The following FRMD6 variants were observed in gnomAD, a reference collection of about 807,000 sequenced individuals.
The protein encoded by FRMD6 is FERM domain-containing protein 6.
In FRMD6, 37 loss-of-function variants were observed where a neutral mutation model predicts 73.2. That is an observed-to-expected ratio of 0.51 (90% CI 0.39 to 0.66). The LOEUF (loss-of-function observed/expected upper bound fraction) is 0.66, where lower values mean the gene tolerates loss of function less well. Ranked by LOEUF, FRMD6 falls within the 30% of genes least tolerant of loss-of-function variation. The pLI, the probability that FRMD6 is intolerant of heterozygous loss-of-function variation, is 0.00. For missense variants in FRMD6, 714 were observed against 780.5 expected (o/e 0.91, Z 1.02); for synonymous variants, 273 against 282.2 (o/e 0.97, Z 0.33).
chr14:51,713,610 A>G (rs998650988), intron 9 of FRMD6: 13 of 152,216 alleles, frequency 8.5e-5, no homozygotes, highest in Admixed American at 3.3e-4. Flanking sequence ...TCCTGCTGGG[A>G]TATATAGCTC....
At chr14:51,462,862 A>T in the FRMD6 span, among the ~76,000 whole-genome samples, 1 of 152,106 alleles carries the variant, frequency 6.6e-6, no homozygotes, top group Non-Finnish European at 1.5e-5. Flanking sequence ...ATGAACTAAA[A>T]ACCCAGAGGC....
the FRMD6 span, among the ~76,000 whole-genome samples, chr14:51,465,476 T>C: frequency 6.6e-6 from 1 of 152,230 alleles, no homozygotes; most frequent in Non-Finnish European, 1.5e-5. Context: ...CATAGTTTGT[T>C]TTCTGCAACT....
chr14:51,497,306 G>A (rs1347667100), intron 1 of FRMD6, among the ~76,000 whole-genome samples: 3 of 145,692 alleles, frequency 2.1e-5, no homozygotes, highest in Admixed American at 1.4e-4. Context: ...TTGCTTGCTT[G>A]TAGAAAGTTG....
the FRMD6 span, among the ~76,000 whole-genome samples, chr14:51,443,144 A>G: frequency 1.3e-5 from 2 of 152,204 alleles, no homozygotes; most frequent in South Asian, 2.1e-4. Context: ...ACATAGTTCA[A>G]TGAAATAAAA....
At chr14:51,702,666 G>T (rs1896397637) in intron 5 of FRMD6, 78 bp downstream of exon 5, 6 of 1,141,926 alleles carry the variant, frequency 5.3e-6, no homozygotes, top group Admixed American at 4.0e-5. Context: ...TAAGTTACGT[G>T]TGTTTATTCT....
In FRMD6 at chr14:51,708,181, A is replaced by G. The variant is rs147736056; in HGVS notation, c.662A>G (p.Lys221Arg). 755 of 1,613,178 alleles carry G rather than the reference A, an allele frequency of 4.7e-4. 1 individual carries two copies. The highest frequency in any genetic ancestry group is 3.1e-3 in the Middle Eastern group (19 of 6,072). ...TASEAHLKYI[K>R]EAVRLDDVAV... ...TCCGAAGCTCATCTTAAATATATCA[A>G]AGAGGCTGTCCGACTGGATGACGTC... is the stretch of plus-strand genomic sequence containing the variant. Residue 221 changes from lysine to arginine, a missense_variant, in exon 7 of 14, where the codon AAA (lysine) becomes AGA (arginine). By Grantham distance (26) the Lys-to-Arg change is conservative. Transcript: ENST00000344768.
chr14:51,406,570 T>A, the FRMD6 span, among the ~76,000 whole-genome samples: 1 of 152,174 alleles, frequency 6.6e-6, no homozygotes. Flanking sequence ...GGTATTTTAG[T>A]CATTTTGTGG....
chr14:51,504,887 C>T (rs1474421082), intron 1 of FRMD6, among the ~76,000 whole-genome samples: 1 of 152,214 alleles, frequency 6.6e-6, no homozygotes, highest in African/African-American at 2.4e-5. Flanking sequence ...GCTGCCTGTC[C>T]TTTCAGTTGA....
intron 2 of FRMD6, among the ~76,000 whole-genome samples, chr14:51,581,425 G>A (rs1335697131): frequency 1.3e-5 from 2 of 152,168 alleles, no homozygotes; most frequent in Non-Finnish European, 2.9e-5. Flanking sequence ...ATTAAACAAA[G>A]TGAGTCATCT....
intron 1 of FRMD6, chr14:51,554,577 A>G (rs1223093122): frequency 6.6e-6 from 1 of 152,218 alleles, no homozygotes; most frequent in Non-Finnish European, 1.5e-5. Context: ...GGAATCTGTG[A>G]CTTTCTCCCC....
chr14:51,701,312 G>GTATA (rs915558631), intron 4 of FRMD6, among the ~76,000 whole-genome samples, 153 bp downstream of exon 4: 14 of 143,890 alleles, frequency 9.7e-5, no homozygotes, highest in South Asian at 2.2e-4. Flanking sequence ...TATATGTATA[G>GTATA]TATATATATA....
intron 1 of FRMD6, among the ~76,000 whole-genome samples, chr14:51,653,236 G>A (rs1892559412): frequency 6.6e-6 from 1 of 152,104 alleles, no homozygotes; most frequent in Admixed American, 6.5e-5. Context: ...CTCTGGGACC[G>A]GGCAATGTTT....
At chr14:51,398,752 T>C in the FRMD6 span, among the ~76,000 whole-genome samples, 5 of 152,086 alleles carry the variant, frequency 3.3e-5, no homozygotes, top group African/African-American at 1.2e-4. Context: ...AACTAGAAAA[T>C]TGGGAAAAAG....
At chr14:51,412,441 T>C in the FRMD6 span, among the ~76,000 whole-genome samples, 2 of 151,774 alleles carry the variant, frequency 1.3e-5, no homozygotes, top group Non-Finnish European at 2.9e-5. Flanking sequence ...GCTCCAAATA[T>C]AAAGAGGAAA....
intron 1 of FRMD6, among the ~76,000 whole-genome samples, chr14:51,537,188 T>A (rs2140356156): frequency 1.3e-5 from 2 of 152,338 alleles, no homozygotes; most frequent in Admixed American, 1.3e-4. Context: ...ATTCTTCCTT[T>A]CTCTCAGACA....
intron 2 of FRMD6, among the ~76,000 whole-genome samples, chr14:51,612,289 G>A (rs1890542541): frequency 6.6e-6 from 1 of 152,122 alleles, no homozygotes; most frequent in South Asian, 2.1e-4. Context: ...AATTCACAGA[G>A]CAAAGGATAA....
intron 2 of FRMD6, among the ~76,000 whole-genome samples, chr14:51,643,066 G>A (rs1224066098): frequency 6.6e-6 from 1 of 152,188 alleles, no homozygotes; most frequent in Non-Finnish European, 1.5e-5. Context: ...TAGGGACAAA[G>A]GGCATGAGCT....
At chr14:51,648,464 A>G (rs1289560331), upstream of FRMD6, among the ~76,000 whole-genome samples, 2 of 152,222 alleles carry the variant, frequency 1.3e-5, no homozygotes, top group Non-Finnish European at 2.9e-5. Context: ...CCACAGACCA[A>G]TTAAATTATA....
intron 2 of FRMD6, among the ~76,000 whole-genome samples, chr14:51,593,782 C>G (rs925670858): frequency 1.4e-4 from 21 of 151,920 alleles, no homozygotes; most frequent in African/African-American, 4.4e-4. Flanking sequence ...ATAGTAAGTA[C>G]AAAATTGAAG....
Sources: allele counts gnomAD v4.1 joint callset (sites outside exome capture counted in the v4.1 genomes callset), GRCh38; gene constraint gnomAD v4.1.1; transcripts MANE v1.5; gene names NCBI Gene and HGNC (gene_info 2026-07-23, HGNC 2026-07-21).